Variants in DPP10 observed in about 807,000 individuals in gnomAD.
DPP10 encodes the protein dipeptidyl peptidase like 10, also known as inactive dipeptidyl peptidase 10.
DPP10 carries 33 observed loss-of-function variants against 120.9 expected under a neutral mutation model. The ratio of observed to expected loss-of-function variants is 0.27; its 90% CI spans 0.21 to 0.37. The LOEUF is 0.37. Among genes scored for constraint, DPP10 ranks in the 10% least tolerant of loss-of-function variants. DPP10 has a pLI of 1.00. For missense variants in DPP10, 816 were observed against 942.8 expected, an observed-to-expected ratio of 0.87 and a Z score of 1.76; for synonymous variants, 337 against 326.1, an observed-to-expected ratio of 1.03 and a Z score of -0.36.
At chr2:115,804,951 T>C (rs1343813361) in intron 19 of DPP10, among the ~76,000 whole-genome samples, 2 of 152,182 alleles carry the variant, frequency 1.3e-5, no homozygotes, top group African/African-American at 4.8e-5. Context: ...ACTACTCTCT[T>C]CAAAGCTGTC....
At chr2:115,086,478 G>A (rs1303218891) in intron 1 of DPP10, among the ~76,000 whole-genome samples, 3 of 141,040 alleles carry the variant, frequency 2.1e-5, no homozygotes, top group Non-Finnish European at 3.0e-5. Flanking sequence ...TTTTTGTGAC[G>A]GAGTCTCCCA....
At chr2:114,600,487 T>G (rs1390303719) in intron 1 of DPP10, among the ~76,000 whole-genome samples, 1 of 151,846 alleles carries the variant, frequency 6.6e-6, no homozygotes, top group Admixed American at 6.6e-5. Context: ...TTTAAAGTCC[T>G]TCTCTATTAA....
chr2:115,515,551 G>A (rs2077458597), intron 4 of DPP10, among the ~76,000 whole-genome samples: 1 of 152,048 alleles, frequency 6.6e-6, no homozygotes, highest in Non-Finnish European at 1.5e-5. Flanking sequence ...CTTTGCAAAT[G>A]ACACTCATGG....
chr2:115,225,493 A>ATGTG (rs35747472), intron 1 of DPP10, among the ~76,000 whole-genome samples: 5 of 149,998 alleles, frequency 3.3e-5, no homozygotes, highest in Admixed American at 2.7e-4. Context: ...AACCGCATGA[A>ATGTG]TGTGTGTGTG....
chr2:115,518,472 C>A (rs2077621748), intron 4 of DPP10, among the ~76,000 whole-genome samples: 1 of 151,888 alleles, frequency 6.6e-6, no homozygotes, highest in Non-Finnish European at 1.5e-5. Flanking sequence ...GTTTCTATTT[C>A]ATAAAAAGAA....
intron 3 of DPP10, among the ~76,000 whole-genome samples, chr2:115,457,828 G>A (rs2073698630): frequency 6.6e-6 from 1 of 151,948 alleles, no homozygotes; most frequent in Non-Finnish European, 1.5e-5. Context: ...AATGCAAAAC[G>A]AGACATACAG....
chr2:114,451,080 C>T lies in DPP10; in HGVS notation c.60+8242C>T, dbSNP rs192157769. Among the ~76,000 whole-genome samples, 254 of 150,336 alleles carry T rather than the reference C, an allele frequency of 1.7e-3. 2 individuals carry two copies. The highest frequency in any genetic ancestry group is 6.9e-3 in the Admixed American group (105 of 15,152). Reference sequence around the variant, plus strand: ...AAAATTACTTATTGTATTTAAAGATCGGCCCTTTATTTGATTTTTTTTTTT... The same window carrying T: ...AAAATTACTTATTGTATTTAAAGATTGGCCCTTTATTTGATTTTTTTTTTT... On this transcript the variant is annotated intron_variant, in intron 1 of 25. Coordinates refer to ENST00000410059, the MANE Select transcript of DPP10 (RefSeq NM_020868.6).
chr2:114,606,588 G>A (rs966198089), intron 1 of DPP10, among the ~76,000 whole-genome samples: 1 of 152,088 alleles, frequency 6.6e-6, no homozygotes, highest in African/African-American at 2.4e-5. Flanking sequence ...TACAATGAGT[G>A]GGAATGACAG....
chr2:115,300,721 G>A (rs760809530), intron 1 of DPP10, among the ~76,000 whole-genome samples: 5 of 151,908 alleles, frequency 3.3e-5, no homozygotes, highest in Non-Finnish European at 7.4e-5. Flanking sequence ...GTTTTCTCAT[G>A]TACCATTTTC....
intron 1 of DPP10, among the ~76,000 whole-genome samples, chr2:115,295,970 GT>G (rs2060868309): frequency 6.6e-6 from 1 of 152,088 alleles, no homozygotes; most frequent in South Asian, 2.1e-4. Flanking sequence ...ATAAATAAAT[GT>G]GTGGAAAAAT....
At chr2:115,831,853 A>G (rs758954789) in intron 21 of DPP10, among the ~76,000 whole-genome samples, 3 of 152,234 alleles carry the variant, frequency 2.0e-5, no homozygotes, top group Non-Finnish European at 2.9e-5. Flanking sequence ...GCAAATGGGA[A>G]TGACAAAACA....
At chr2:114,781,538 A>G (rs1682325086) in intron 1 of DPP10, among the ~76,000 whole-genome samples, 1 of 150,978 alleles carries the variant, frequency 6.6e-6, no homozygotes, top group South Asian at 2.1e-4. Flanking sequence ...GCAACATCAC[A>G]GCAAGTAATA....
chr2:115,738,322 C>T (rs1457068434), intron 8 of DPP10, among the ~76,000 whole-genome samples: 1 of 152,130 alleles, frequency 6.6e-6, no homozygotes, highest in Non-Finnish European at 1.5e-5. Context: ...TTCCTGATTT[C>T]ACAATCATGG....
intron 1 of DPP10, among the ~76,000 whole-genome samples, chr2:115,014,639 T>TA (rs1374355734): frequency 6.6e-6 from 1 of 151,502 alleles, no homozygotes; most frequent in Non-Finnish European, 1.5e-5. Context: ...ATAGACACAA[T>TA]AAAAAATGAT....
intron 1 of DPP10, among the ~76,000 whole-genome samples, chr2:115,214,139 G>A (rs560368068): frequency 7.2e-5 from 11 of 152,200 alleles, no homozygotes; most frequent in Non-Finnish European, 1.5e-4. Flanking sequence ...GCGGCCAGTG[G>A]CCTGGAGAGT....
At chr2:115,088,434 CT>C (rs1360865091) in intron 1 of DPP10, among the ~76,000 whole-genome samples, 1 of 152,056 alleles carries the variant, frequency 6.6e-6, no homozygotes, top group South Asian at 2.1e-4. Context: ...AACAACTTTT[CT>C]TTTTTTCTTT....
At chr2:115,446,266 T>C (rs2072575771) in intron 3 of DPP10, among the ~76,000 whole-genome samples, 1 of 152,178 alleles carries the variant, frequency 6.6e-6, no homozygotes, top group South Asian at 2.1e-4. Context: ...AGAAGTTTGC[T>C]GCAGGGGCAG....
intron 1 of DPP10, among the ~76,000 whole-genome samples, chr2:115,045,903 T>C (rs1280484387): frequency 2.0e-5 from 3 of 152,194 alleles, no homozygotes; most frequent in Non-Finnish European, 4.4e-5. Flanking sequence ...TATTAGTTTA[T>C]AGGGGTTTTG....
At chr2:115,287,508 A>G (rs984852684) in intron 1 of DPP10, among the ~76,000 whole-genome samples, 1 of 152,030 alleles carries the variant, frequency 6.6e-6, no homozygotes, top group Non-Finnish European at 1.5e-5. Context: ...TTGTGTACCC[A>G]TAGCTTAGCT....
Sources: allele counts gnomAD v4.1 joint callset (sites outside exome capture counted in the v4.1 genomes callset), GRCh38; gene constraint gnomAD v4.1.1; transcripts MANE v1.5; gene names NCBI Gene and HGNC (gene_info 2026-07-23, HGNC 2026-07-21).